LRRC23: variants seen among roughly 807,000 people sequenced by gnomAD.
LRRC23 encodes the protein leucine-rich repeat-containing protein 23.
A neutral mutation model predicts 37.7 loss-of-function variants in LRRC23; 28 were observed. That is an observed-to-expected ratio of 0.74 (90% CI 0.55 to 1.02). The LOEUF is 1.02. Ranked by LOEUF, LRRC23 falls within the 50% of genes least tolerant of loss-of-function variation. The probability of loss-of-function intolerance (pLI) is 0.00; values close to 1 mark genes in which losing one functional copy is unlikely to be tolerated. For synonymous variants in LRRC23, 161 were observed against 165.4 expected, an observed-to-expected ratio of 0.97 and a Z score of 0.20; for missense variants, 377 against 413.2, an observed-to-expected ratio of 0.91 and a Z score of 0.76.
chr12:6,907,319 C>T lies in LRRC23; in HGVS notation c.495C>T (p.Asn165=), dbSNP rs781799357. The T allele has an allele frequency of 2.7e-5, 44 of 1,613,692 alleles. No individual in the cohort carries two copies. Among genetic ancestry groups the T allele is most frequent in the Non-Finnish European group, 3.6e-5 (43 of 1,179,862 alleles). ...PRLETLNLKG[N]SIHMVTGLDP... ...TCTTGAAACCCTCCTCCCCAGGGAACAGCATCCACATGGTGACAGGTCTGG... is the reference window on the plus strand; with the variant it reads ...TCTTGAAACCCTCCTCCCCAGGGAATAGCATCCACATGGTGACAGGTCTGG... Residue 165 remains asparagine (N), a synonymous_variant, in exon 5 of 8, where the codon AAC becomes AAT. Coordinates refer to ENST00000443597, the MANE Select transcript of LRRC23 (RefSeq NM_001135217.2).
At chr12:6,913,295 T>G in intron 7 of LRRC23, 2 of 431,070 alleles carry the variant, frequency 4.6e-6, no homozygotes, top group Non-Finnish European at 8.5e-6. Context: ...GGGGCAGCCA[T>G]ACCTGACACA....
At chr12:6,908,055 A>C (rs781863140) in intron 5 of LRRC23, among the ~76,000 whole-genome samples, 2 of 152,222 alleles carry the variant, frequency 1.3e-5, no homozygotes, top group Admixed American at 6.5e-5. Flanking sequence ...TTAATTTTCT[A>C]GAGTGGTTTT....
At chr12:6,908,289 G>A (rs1205916540) in intron 5 of LRRC23, among the ~76,000 whole-genome samples, 1 of 151,968 alleles carries the variant, frequency 6.6e-6, no homozygotes, top group Non-Finnish European at 1.5e-5. Flanking sequence ...GGCTGTCGCT[G>A]GGGAGGGTCT....
At chr12:6,906,009 T>C (rs1944935980) in intron 3 of LRRC23, 55 bp downstream of exon 3, 2 of 1,412,606 alleles carry the variant, frequency 1.4e-6, no homozygotes, top group Admixed American at 3.4e-5. Context: ...CCCTATCTCC[T>C]TTCCCACTGT....
At chr12:6,905,999 C>A (rs74880615) in intron 3 of LRRC23, 45 bp downstream of exon 3, 1 of 1,491,784 alleles carries the variant, frequency 6.7e-7, no homozygotes, top group East Asian at 2.3e-5. Context: ...ACTGTAGGGC[C>A]CCTATCTCCT....
chr12:6,906,323 T>C, intron 3 of LRRC23, 86 bp from the exon 4 acceptor site: 1 of 1,304,012 alleles, frequency 7.7e-7, no homozygotes, highest in East Asian at 2.3e-5. Flanking sequence ...GCCATCTCCA[T>C]ATTGCCTTCT....
At position 6,905,572 on chromosome 12, in the gene LRRC23, C is replaced by T. The variant is rs1555139343; in HGVS notation, c.-49-13C>T. 8 of 1,571,542 alleles carry T rather than the reference C, an allele frequency of 5.1e-6. No homozygotes were observed. Among genetic ancestry groups the T allele is most frequent in the Non-Finnish European group, 7.0e-6 (8 of 1,144,998 alleles). ...TGAAGGCTGGCAGAAGCTGATGAGA[C>T]CTTCTTTTTCAGGAGGAGGACTGAG... On this transcript the variant is annotated splice_polypyrimidine_tract_variant and intron_variant, in intron 1 of 7. Transcript: ENST00000443597.
In LRRC23 at chr12:6,912,775, C is replaced by T. The variant is rs781846139; in HGVS notation, c.804C>T (p.Asp268=). The T allele has an allele frequency of 8.7e-6, 14 of 1,614,066 alleles. No homozygotes were observed. The highest frequency in any genetic ancestry group is 1.0e-5 in the Non-Finnish European group (12 of 1,180,034). ...TGGGGGAGCTGGCCAAGCTTCGAGA[C>T]CTGCCCAAGCTGCGAGCGTTGGTGC... ...ANLGELAKLR[D]LPKLRALVLL... Residue 268 remains aspartate, a synonymous_variant, in exon 7 of 8, where the codon GAC becomes GAT. Coordinates refer to ENST00000443597, the MANE Select transcript of LRRC23 (RefSeq NM_001135217.2).
intron 3 of LRRC23, 110 bp downstream of exon 3, chr12:6,906,064 A>C (rs782568579): frequency 5.2e-6 from 5 of 962,998 alleles, no homozygotes; most frequent in Non-Finnish European, 8.1e-6. Flanking sequence ...TCTCATGCCT[A>C]GTGGAAAGGG....
Position 6,906,596 on chromosome 12 carries a change from G to A in LRRC23, c.424G>A (p.Ala142Thr), listed in dbSNP as rs1386772670. The change falls in exon 4 of 8, where the codon GCT becomes ACT. Residue 142 changes from alanine to threonine, a missense_variant. By Grantham distance (58) the Ala-to-Thr change is moderately conservative (BLOSUM62 0). Around this residue, in one of 3 missense-constraint regions of LRRC23, gnomAD observed 266 missense variants for 285.6 expected, o/e 0.93. Transcript: ENST00000443597. ...ELPYLQIASF[A>T]YNQITDTEGI... ...GCCCTACCTGCAGATTGCTAGTTTT[G>A]CTTATAACCAGATTACTGACACTGA... 1 of 1,614,156 alleles carries A rather than the reference G, an allele frequency of 6.2e-7. No individual in the cohort carries two copies. The highest frequency in any genetic ancestry group is 1.3e-5 in the African/African-American group (1 of 75,022).
chr12:6,913,105 C>G, intron 7 of LRRC23, 78 bp downstream of exon 7: 1 of 1,416,070 alleles, frequency 7.1e-7, no homozygotes, highest in Non-Finnish European at 9.7e-7. Context: ...GGGGAAGCTG[C>G]TGCAGAAGGA....
intron 5 of LRRC23, among the ~76,000 whole-genome samples, chr12:6,908,620 ACC>A (rs1424318435): frequency 2.0e-3 from 132 of 65,590 alleles, no homozygotes; most frequent in Middle Eastern, 9.6e-3. Context: ...AAAAAAAAAA[ACC>A]AAAGAAAAAC....
chr12:6,906,199 G>T (rs1299331989), intron 3 of LRRC23, among the ~76,000 whole-genome samples: 2 of 152,024 alleles, frequency 1.3e-5, no homozygotes, highest in African/African-American at 2.4e-5. Flanking sequence ...TCAGAGTATG[G>T]GTTCTCTGTC....
Position 6,905,728 on chromosome 12 carries a change from A to G in LRRC23, c.95A>G (p.Tyr32Cys). ...DEKETEEGEDYRKEGEEFPEE... is the reference protein window; with the variant it reads ...DEKETEEGEDCRKEGEEFPEE... ...AAGGAGACAGAGGAGGGGGAGGACT[A>G]CAGAAAAGAGGGGGAAGAGTTCCCT... The change falls in exon 2 of 8, where the codon TAC becomes TGC. Residue 32 changes from tyrosine (Y) to cysteine (C), a missense_variant. Tyr to Cys is a radical substitution (Grantham distance 194, BLOSUM62 -2). This residue lies in a region of LRRC23 where 106 missense variants were observed against 105.9 expected (regional missense o/e 1.00). Coordinates refer to ENST00000443597, the MANE Select transcript of LRRC23 (RefSeq NM_001135217.2). The G allele has an allele frequency of 6.2e-7, 1 of 1,610,648 alleles. No individual in the cohort carries two copies. The highest frequency in any genetic ancestry group is 1.1e-5 in the South Asian group (1 of 91,038).
rs1383157185 is a variant in LRRC23, at chr12:6,914,098, CG to C, written c.*237del. The stretch of plus-strand genomic sequence containing the variant: ...CCTGAGCGTTGCCTGGAGCCTAGGC[CG>C]GGGGCCGCCCTCGGGCAGGCGTGGG... On this transcript the variant is annotated 3_prime_UTR_variant, in exon 8 of 8. Coordinates refer to ENST00000443597, the MANE Select transcript of LRRC23 (RefSeq NM_001135217.2). This position sits in a 1 kb window ranked among gnomAD's most constrained non-coding sequence, Gnocchi z 7.1. 1.3e-5 allele frequency: 19 copies of C among 1,517,078 alleles called. No individual in the cohort carries two copies. The highest frequency in any genetic ancestry group is 6.6e-5 in the Admixed American group (3 of 45,688). 94.0% of individuals were successfully genotyped at this position (1,517,078 alleles called of 1,614,324 possible).
rs782285030 is a variant in LRRC23, at chr12:6,913,963, G to C, written c.*97G>C. 6.2e-7 allele frequency: 1 copy of C among 1,613,964 alleles called. No individual in the cohort carries two copies. Among genetic ancestry groups the C allele is most frequent in the Admixed American group, 1.7e-5 (1 of 59,988 alleles). ...GCCACCACATGTATGACAGAGAACA[G>C]AGGATGCCTGTTTTTGCCCCAAAGC... On this transcript the variant is annotated 3_prime_UTR_variant, in exon 8 of 8. Transcript: ENST00000443597.
intron 1 of LRRC23, chr12:6,905,342 G>A (rs1367052535): frequency 3.8e-6 from 1 of 262,986 alleles, no homozygotes; most frequent in African/African-American, 2.2e-5. Flanking sequence ...GCTGCTGGAG[G>A]AGAGCTGGAG....
At chr12:6,909,187 T>TA (rs1945062204) in intron 5 of LRRC23, among the ~76,000 whole-genome samples, 1 of 12,900 alleles carries the variant, frequency 7.8e-5, no homozygotes, top group Non-Finnish European at 1.1e-4. Context: ...TATAATTATA[T>TA]ATTATATATA....
chr12:6,911,239 T>C (rs1307794434), intron 6 of LRRC23, among the ~76,000 whole-genome samples: 1 of 152,192 alleles, frequency 6.6e-6, no homozygotes, highest in South Asian at 2.1e-4. Context: ...TCAGCAAACA[T>C]GTAAGGAAAC....
Sources: allele counts gnomAD v4.1 joint callset (sites outside exome capture counted in the v4.1 genomes callset), GRCh38; gene constraint gnomAD v4.1.1; regional missense constraint gnomAD v4.1.1; non-coding constraint Gnocchi (gnomAD v3.1); transcripts MANE v1.5; gene names NCBI Gene and HGNC (gene_info 2026-07-23, HGNC 2026-07-21).